Variants in AGPAT2 observed in about 807,000 individuals in gnomAD.
The protein encoded by AGPAT2 is 1-acylglycerol-3-phosphate O-acyltransferase 2, also known as 1-acyl-sn-glycerol-3-phosphate acyltransferase beta.
AGPAT2 carries 18 observed loss-of-function variants against 26.1 expected under a neutral mutation model. That is an observed-to-expected ratio of 0.69 (90% CI 0.48 to 1.02). The LOEUF (loss-of-function observed/expected upper bound fraction) is 1.02. Among genes scored for constraint, AGPAT2 ranks in the 50% least tolerant of loss-of-function variants. The pLI is 0.00. For missense variants in AGPAT2, 415 were observed against 394.9 expected (o/e 1.05, Z -0.43); for synonymous variants, 200 against 174.2 (o/e 1.15, Z -1.16).
Position 136,676,662 on chromosome 9 carries a change from G to A in AGPAT2, c.511C>T (p.Pro171Ser), listed in dbSNP as rs1252287949. Residue 171 changes from proline to serine, a missense_variant, in exon 4 of 6, where the codon CCC becomes TCC. Coordinates refer to ENST00000371696, the MANE Select transcript of AGPAT2 (RefSeq NM_006412.4). ...CCATTGTCGTTGCGAGTACCCTCGG[G>A]ATAGATCCACACTTTGAGCTGCAGG... ...VRENLKVWIY[P>S]EGTRNDNGDL... The A allele has an allele frequency of 1.9e-6, 3 of 1,613,420 alleles. No homozygotes were observed. Among genetic ancestry groups the A allele is most frequent in the South Asian group, 1.1e-5 (1 of 91,064 alleles).
intron 1 of AGPAT2, among the ~76,000 whole-genome samples, chr9:136,685,990 C>G (rs1268370934): frequency 6.6e-6 from 1 of 152,218 alleles, no homozygotes; most frequent in East Asian, 1.9e-4. Context: ...CCCGGGACCC[C>G]GGCCTGGGCC....
intron 1 of AGPAT2, among the ~76,000 whole-genome samples, chr9:136,680,656 A>G (rs1846147494): frequency 6.6e-6 from 1 of 151,980 alleles, no homozygotes; most frequent in Non-Finnish European, 1.5e-5. Context: ...AAATTATTAA[A>G]AAATAAGATC....
chr9:136,687,438 A>C lies in AGPAT2; in HGVS notation c.-81T>G. On this transcript the variant is annotated 5_prime_UTR_variant, in exon 1 of 6. Coordinates refer to ENST00000371696, the MANE Select transcript of AGPAT2 (RefSeq NM_006412.4). ...TCTCCCCCGCGCGCTCAGGCCCCTT[A>C]TTGCGAGGGCGGCGGGGCTGGGCGG... 2.9e-5 allele frequency: 34 copies of C among 1,183,816 alleles called. No individual in the cohort carries two copies. Among genetic ancestry groups the C allele is most frequent in the East Asian group, 6.6e-5 (2 of 30,220 alleles). The allele number at this position is 1,183,816 out of a possible 1,614,324, so 73.3% of individuals were successfully genotyped here.
At chr9:136,676,495 A>G (rs1846091160) in intron 4 of AGPAT2, 90 bp downstream of exon 4, 2 of 1,043,394 alleles carry the variant, frequency 1.9e-6, no homozygotes, top group Non-Finnish European at 2.9e-6. Context: ...AAGGGTCCTC[A>G]GCTCGGCTGG....
At chr9:136,678,925 G>A (rs543825902) in intron 1 of AGPAT2, among the ~76,000 whole-genome samples, 209 of 152,214 alleles carry the variant, frequency 1.4e-3, no homozygotes, top group African/African-American at 4.7e-3. Context: ...GCTAGTTTTT[G>A]TATTTTTGGT....
chr9:136,674,698 C>T lies in AGPAT2; in HGVS notation c.661+37G>A, dbSNP rs188750172. ...GGGGCTCCGTGACTGTAGGGTCAGG[C>T]GGGGCCTACACCCCGGGTGCACACA... On this transcript the variant is annotated intron_variant, in intron 5 of 5. Transcript: ENST00000371696. 1.1e-3 allele frequency: 1,559 copies of T among 1,377,674 alleles called. 25 individuals are homozygous for T. In the Admixed American group the frequency reaches 0.028, roughly 25 times the overall value. 85.3% of individuals were successfully genotyped at this position (1,377,674 alleles called of 1,614,324 possible).
intron 1 of AGPAT2, among the ~76,000 whole-genome samples, chr9:136,680,369 G>A (rs1331838876): frequency 6.6e-6 from 1 of 152,184 alleles, no homozygotes; most frequent in African/African-American, 2.4e-5. Context: ...TGGGATTACA[G>A]GTGCCTGCCA....
chr9:136,677,173 G>A, intron 2 of AGPAT2, 37 bp from the exon 3 acceptor site: 7 of 1,608,758 alleles, frequency 4.4e-6, no homozygotes, highest in Non-Finnish European at 5.9e-6. Context: ...GAGAGAGGGG[G>A]AGACAGCGTG....
chr9:136,675,852 G>A (rs952393737), intron 4 of AGPAT2, among the ~76,000 whole-genome samples: 1 of 152,206 alleles, frequency 6.6e-6, no homozygotes, highest in Non-Finnish European at 1.5e-5. Context: ...TTAGCTGGGA[G>A]CCTCTGGAAG....
At chr9:136,677,211 C>T in intron 2 of AGPAT2, 75 bp from the exon 3 acceptor site, 2 of 1,566,864 alleles carry the variant, frequency 1.3e-6, no homozygotes, top group Non-Finnish European at 1.7e-6. Context: ...TGAGCACCCA[C>T]AGGCCTGCCT....
chr9:136,679,609 G>A (rs937281092), intron 1 of AGPAT2, among the ~76,000 whole-genome samples: 1 of 152,186 alleles, frequency 6.6e-6, no homozygotes, highest in African/African-American at 2.4e-5. Context: ...GACGCTCCAA[G>A]AAGACGAGGA....
intron 1 of AGPAT2, among the ~76,000 whole-genome samples, chr9:136,681,485 G>C (rs972904325): frequency 1.3e-5 from 2 of 152,234 alleles, no homozygotes; most frequent in African/African-American, 4.8e-5. Flanking sequence ...CTGAAAGCTG[G>C]TGGGAAAGTC....
intron 2 of AGPAT2, 99 bp from the exon 3 acceptor site, chr9:136,677,235 C>T: frequency 1.3e-6 from 2 of 1,526,584 alleles, no homozygotes; most frequent in Non-Finnish European, 1.8e-6. Context: ...ACCCTGCCTT[C>T]TCCCTGGCTA....
intron 5 of AGPAT2, among the ~76,000 whole-genome samples, chr9:136,674,165 T>C (rs1008597354): frequency 6.6e-6 from 1 of 152,106 alleles, no homozygotes; most frequent in Non-Finnish European, 1.5e-5. Context: ...TGCGCTCCCC[T>C]GTTACTGCCC....
chr9:136,678,469 C>T (rs780670702), intron 1 of AGPAT2, among the ~76,000 whole-genome samples: 6 of 152,206 alleles, frequency 3.9e-5, no homozygotes, highest in Non-Finnish European at 8.8e-5. Context: ...ACAGGGCAGC[C>T]GGCGGGGATG....
chr9:136,675,120 G>C (rs563167382), intron 4 of AGPAT2, among the ~76,000 whole-genome samples: 1 of 152,242 alleles, frequency 6.6e-6, no homozygotes, highest in Admixed American at 6.5e-5. Flanking sequence ...GCAGGGCCCT[G>C]TCCGGTTTAG....
rs917659244 is a variant in AGPAT2, at chr9:136,676,610, G to A, written c.563C>T (p.Ala188Val). 6 of 1,613,266 alleles carry A rather than the reference G, an allele frequency of 3.7e-6. No individual in the cohort carries two copies. The African/African-American group carries it at 4.0e-5, about 11-fold the overall frequency. Residue 188 changes from alanine to valine, a missense_variant, in exon 4 of 6, where the codon GCC (alanine) becomes GTC (valine). Coordinates refer to ENST00000371696, the MANE Select transcript of AGPAT2 (RefSeq NM_006412.4). ...NGDLLPFKKG[A>V]FYLAVQAQVP... ...CTGTGCCTGGACTGCCAGGTAGAAG[G>A]CGCCCTTCTTAAAAGGCAGCAGGTC...
intron 1 of AGPAT2, among the ~76,000 whole-genome samples, chr9:136,686,948 G>A (rs890879098): frequency 6.6e-6 from 1 of 152,262 alleles, no homozygotes; most frequent in East Asian, 1.9e-4. Context: ...CCAGGGCGGG[G>A]GGTGGGGTGC....
rs1344451473 is a variant in AGPAT2, at chr9:136,687,310, C to G, written c.48G>C (p.Leu16=). The change falls in exon 1 of 6, where the codon CTG becomes CTC. Residue 16 remains leucine, a synonymous_variant. Coordinates refer to ENST00000371696, the MANE Select transcript of AGPAT2 (RefSeq NM_006412.4). ...CLAAALLLLL[L]LVQLSRAAEF... ...CGGCCGCGCGGCTCAGCTGCACCAG[C>G]AGCAGCAGCAACAGCAGCGCCGCGG... 1.3e-6 allele frequency: 2 copies of G among 1,576,314 alleles called. No homozygotes were observed. Among genetic ancestry groups the G allele is most frequent in the Non-Finnish European group, 1.7e-6 (2 of 1,166,886 alleles).
Sources: allele counts gnomAD v4.1 joint callset (sites outside exome capture counted in the v4.1 genomes callset), GRCh38; gene constraint gnomAD v4.1.1; transcripts MANE v1.5; gene names NCBI Gene and HGNC (gene_info 2026-07-23, HGNC 2026-07-21).